Variants in HS3ST2 observed in about 807,000 individuals in gnomAD.
The protein encoded by HS3ST2 is heparan sulfate glucosamine 3-O-sulfotransferase 2.
In HS3ST2, 17 loss-of-function variants were observed where a neutral mutation model predicts 26.3. The ratio of observed to expected loss-of-function variants is 0.65; its 90% CI spans 0.44 to 0.97. The LOEUF (loss-of-function observed/expected upper bound fraction) is 0.97. HS3ST2 is among the 50% of genes least tolerant of loss of function. HS3ST2 has a pLI of 0.00. For synonymous variants in HS3ST2, 237 were observed against 219.2 expected, an observed-to-expected ratio of 1.08 and a Z score of -0.72; for missense variants, 402 against 501.2, an observed-to-expected ratio of 0.80 and a Z score of 1.89.
At chr16:22,880,254 A>C (rs529282110) in intron 1 of HS3ST2, among the ~76,000 whole-genome samples, 2 of 152,170 alleles carry the variant, frequency 1.3e-5, no homozygotes, top group Admixed American at 1.3e-4. Context: ...CCCTATCTCT[A>C]AAAAACATTA....
At chr16:22,876,313 A>C (rs1419388726) in intron 1 of HS3ST2, among the ~76,000 whole-genome samples, 4 of 152,228 alleles carry the variant, frequency 2.6e-5, no homozygotes, top group Non-Finnish European at 5.9e-5. Context: ...TTCTCGAAAA[A>C]AAAGATATAC....
chr16:22,908,651 T>C (rs1400760075), intron 1 of HS3ST2, among the ~76,000 whole-genome samples: 1 of 152,138 alleles, frequency 6.6e-6, no homozygotes, highest in African/African-American at 2.4e-5. Context: ...CCACTTCTTA[T>C]AAAGACACCA....
At chr16:22,882,610 T>A (rs1473315173) in intron 1 of HS3ST2, among the ~76,000 whole-genome samples, 1 of 152,158 alleles carries the variant, frequency 6.6e-6, no homozygotes, top group Non-Finnish European at 1.5e-5. Context: ...GGCATGCGCC[T>A]ATAGTCCCAG....
chr16:22,825,260 A>G (rs1308701697), intron 1 of HS3ST2, among the ~76,000 whole-genome samples: 2 of 152,198 alleles, frequency 1.3e-5, no homozygotes, highest in African/African-American at 2.4e-5. Flanking sequence ...TGAAGATTCA[A>G]TGAACAATTA....
intron 1 of HS3ST2, among the ~76,000 whole-genome samples, chr16:22,866,335 A>G (rs1901750352): frequency 6.6e-6 from 1 of 151,280 alleles, no homozygotes; most frequent in South Asian, 2.1e-4. Context: ...GCGCACACAC[A>G]CACACACACT....
intron 1 of HS3ST2, among the ~76,000 whole-genome samples, chr16:22,871,962 T>C (rs1013430563): frequency 2.7e-4 from 41 of 152,322 alleles, no homozygotes; most frequent in East Asian, 5.8e-4. Context: ...CAGGCGTACA[T>C]ACATTTCTTT....
chr16:22,901,100 G>A (rs1003754528), intron 1 of HS3ST2, among the ~76,000 whole-genome samples: 1 of 152,134 alleles, frequency 6.6e-6, no homozygotes, highest in Non-Finnish European at 1.5e-5. Context: ...TCGCAGCTTT[G>A]ACCTCACAAC....
chr16:22,874,220 T>C lies in HS3ST2; in HGVS notation c.486-40724T>C, dbSNP rs550449327. On this transcript the variant is annotated intron_variant, in intron 1 of 1. Transcript: ENST00000261374. ...GTTCCTTCAACTTCTAGTTGTCAAC[T>C]GAGCGTTAGGATTTCAAATGGCAGC... Among the ~76,000 whole-genome samples the C allele has an allele frequency of 2.6e-5, 4 of 152,312 alleles. No homozygotes were observed. In the East Asian group the frequency reaches 7.7e-4, roughly 29 times the overall value.
chr16:22,843,551 A>G (rs150985849), intron 1 of HS3ST2, among the ~76,000 whole-genome samples: 34 of 152,320 alleles, frequency 2.2e-4, no homozygotes, highest in African/African-American at 7.5e-4. Context: ...CTGCCAGTTC[A>G]TGAAGAGGGA....
At chr16:22,844,044 C>T (rs1029915422) in intron 1 of HS3ST2, among the ~76,000 whole-genome samples, 1 of 151,894 alleles carries the variant, frequency 6.6e-6, no homozygotes, top group African/African-American at 2.4e-5. Context: ...CACGCACACA[C>T]ACACATATCA....
chr16:22,866,932 C>T (rs1251139008), intron 1 of HS3ST2, among the ~76,000 whole-genome samples: 1 of 152,112 alleles, frequency 6.6e-6, no homozygotes, highest in Admixed American at 6.5e-5. Flanking sequence ...TTAATCTATT[C>T]ATTTTATTCA....
At chr16:22,851,289 A>G (rs1386686062) in intron 1 of HS3ST2, among the ~76,000 whole-genome samples, 1 of 152,236 alleles carries the variant, frequency 6.6e-6, no homozygotes, top group African/African-American at 2.4e-5. Flanking sequence ...TCATTTATAT[A>G]AACCACCTGC....
intron 1 of HS3ST2, among the ~76,000 whole-genome samples, chr16:22,888,631 C>A (rs542858592): frequency 6.6e-6 from 1 of 151,994 alleles, no homozygotes; most frequent in African/African-American, 2.4e-5. Context: ...GTGATCCGCC[C>A]GCCTCGGCCT....
intron 1 of HS3ST2, among the ~76,000 whole-genome samples, chr16:22,893,291 A>G (rs1902154723): frequency 6.6e-6 from 1 of 152,216 alleles, no homozygotes; most frequent in African/African-American, 2.4e-5. Context: ...TGGTATTTAT[A>G]TGAGATAATA....
chr16:22,894,099 G>A (rs1312296577), intron 1 of HS3ST2, among the ~76,000 whole-genome samples: 1 of 152,152 alleles, frequency 6.6e-6, no homozygotes, highest in Non-Finnish European at 1.5e-5. Flanking sequence ...GGGGTTCCAG[G>A]CATGAGCTAC....
Position 22,905,278 on chromosome 16 carries a change from G to C in HS3ST2, c.486-9666G>C, listed in dbSNP as rs562302432. 2.0e-5 allele frequency among the ~76,000 whole-genome samples: 3 copies of C among 152,336 alleles called. No homozygotes were observed. In the South Asian group the frequency reaches 6.2e-4, roughly 32 times the overall value. ...ACATCAGGCAGGTTCCCACTTGCTT[G>C]CATGTGCAAGGGATGACCCTTGGGT... On this transcript the variant is annotated intron_variant, in intron 1 of 1. Transcript: ENST00000261374.
intron 1 of HS3ST2, among the ~76,000 whole-genome samples, chr16:22,864,948 G>A (rs1203590939): frequency 2.0e-5 from 3 of 147,742 alleles, no homozygotes; most frequent in Non-Finnish European, 4.4e-5. Flanking sequence ...CTACTCAGGA[G>A]GCTGAGGTGG....
intron 1 of HS3ST2, among the ~76,000 whole-genome samples, chr16:22,891,477 G>GA (rs34710184): frequency 1.3e-4 from 19 of 148,720 alleles, no homozygotes; most frequent in East Asian, 9.8e-4. Context: ...ATCTTCATTT[G>GA]AAAAAAAAAA....
intron 1 of HS3ST2, among the ~76,000 whole-genome samples, chr16:22,904,240 CAA>C (rs1471028116): frequency 5.9e-5 from 9 of 152,148 alleles, no homozygotes; most frequent in Non-Finnish European, 1.2e-4. Flanking sequence ...AGTTGGTCCA[CAA>C]AACTGTTAAC....
Sources: gnomAD v4.1 joint callset for allele counts (sites outside exome capture counted in the v4.1 genomes callset) on GRCh38, gnomAD v4.1.1 for gene constraint, MANE v1.5 for transcripts, NCBI Gene and HGNC (gene_info 2026-07-23, HGNC 2026-07-21) for gene names.